The following UNC13D variants were observed in gnomAD, a reference collection of about 807,000 sequenced individuals.
The protein encoded by UNC13D is protein unc-13 homolog D.
UNC13D carries 115 observed loss-of-function variants against 151.7 expected under a neutral mutation model. The observed-to-expected ratio is 0.76, with a 90% CI of 0.65 to 0.88. The LOEUF (loss-of-function observed/expected upper bound fraction) is 0.88, where lower values mean the gene tolerates loss of function less well. Among genes scored for constraint, UNC13D ranks in the 40% least tolerant of loss-of-function variants. UNC13D has a pLI of 0.00. For missense variants in UNC13D, 1,369 were observed against 1,438.7 expected (o/e 0.95, Z 0.78); for synonymous variants, 588 against 612.2 (o/e 0.96, Z 0.58).
In UNC13D at chr17:75,834,665, G is replaced by T. The variant is rs755931780; in HGVS notation, c.2044C>A (p.Arg682Ser). Residue 682 changes from arginine (R) to serine (S), a missense_variant, in exon 22 of 32, where the codon CGC becomes AGC. Physicochemically the swap from Arg to Ser is moderately radical, Grantham distance 110. This residue lies in a region of UNC13D where 807 missense variants were observed against 795.5 expected (regional missense o/e 1.01). Transcript: ENST00000207549. Reference protein sequence around the residue: ...VYCSLIKARARELSSGQKDQG... With the variant: ...VYCSLIKARASELSSGQKDQG... The stretch of plus-strand genomic sequence containing the variant: ...TCCTTCTGGCCTGAAGAGAGCTCGC[G>T]GGCCCGGGCCTTTATAAGGCTGCAG... 1 of 1,613,746 alleles carries T rather than the reference G, an allele frequency of 6.2e-7. No homozygotes were observed. Among genetic ancestry groups the T allele is most frequent in the Admixed American group, 1.7e-5 (1 of 60,022 alleles).
At chr17:75,829,528 C>CAG (rs1567816341) in intron 30 of UNC13D, 1 of 181,040 alleles carries the variant, frequency 5.5e-6, no homozygotes, top group Non-Finnish European at 1.2e-5. Context: ...CTCCTGACCT[C>CAG]GTGATCCGCC....
chr17:75,827,374 C>T lies in UNC13D; in HGVS notation c.*591G>A. Reference sequence around the variant, plus strand: ...CGTCTGTCTGTGCCAGCCCTGCCGCCTGCCAGCTCTTGCTCCCTCAGAGCC... The same window carrying T: ...CGTCTGTCTGTGCCAGCCCTGCCGCTTGCCAGCTCTTGCTCCCTCAGAGCC... On this transcript the variant is annotated 3_prime_UTR_variant, in exon 32 of 32. Transcript: ENST00000207549. 7.6e-7 allele frequency: 1 copy of T among 1,317,192 alleles called. No homozygotes were observed. The highest frequency in any genetic ancestry group is 9.9e-7 in the Non-Finnish European group (1 of 1,010,550). 81.6% of individuals were successfully genotyped at this position (1,317,192 alleles called of 1,614,324 possible).
intron 27 of UNC13D, 96 bp from the exon 28 acceptor site, chr17:75,830,757 C>T (rs1567816970): frequency 1.3e-5 from 19 of 1,416,544 alleles, no homozygotes; most frequent in East Asian, 5.0e-5. Context: ...GTAACATGTC[C>T]GTTTGAAATG....
rs1452101064 is a variant in UNC13D at position 75,833,436 on chromosome 17, C to T, written c.2368-391G>A. On this transcript the variant is annotated intron_variant, in intron 24 of 31. Coordinates refer to ENST00000207549, the MANE Select transcript of UNC13D (RefSeq NM_199242.3). The surrounding 1 kb of genome is among the most constrained non-coding windows in gnomAD (Gnocchi z 4.0). ...ATACAACCCTCTGACACTTCTCAGC[C>T]GCTTCTCTGTTTTAAATTTTCTCTG... Among the ~76,000 whole-genome samples, 3 of 151,486 alleles carry T rather than the reference C, an allele frequency of 2.0e-5. No homozygotes were observed. Among genetic ancestry groups the T allele is most frequent in the Non-Finnish European group, 4.4e-5 (3 of 68,034 alleles).
At chr17:75,838,856 T>C (rs540043172) in intron 12 of UNC13D, among the ~76,000 whole-genome samples, 2 of 151,772 alleles carry the variant, frequency 1.3e-5, no homozygotes, top group East Asian at 3.9e-4. Flanking sequence ...ATCCCAGCAC[T>C]TTGGGAGGCC....
At chr17:75,842,267 CT>C (rs2064954503) in intron 6 of UNC13D, among the ~76,000 whole-genome samples, 165 bp downstream of exon 6, 1 of 152,210 alleles carries the variant, frequency 6.6e-6, no homozygotes, top group Admixed American at 6.5e-5. Context: ...CCCATCTGAC[CT>C]ACTGTCCACC....
At position 75,831,272 on chromosome 17, in the gene UNC13D, C is replaced by A. The variant is rs2143867469; in HGVS notation, c.2524G>T (p.Ala842Ser). ...AGGGCAATCTTCAGCCTGTTGGAAG[C>A]CAGGGATGAGCTGCGCTGGGAGGCG... ...AAASQRSSSLASNRLKIALQN... is the reference protein window; with the variant it reads ...AAASQRSSSLSSNRLKIALQN... Residue 842 changes from alanine to serine, a missense_variant, in exon 26 of 32, where the codon GCT (alanine) becomes TCT (serine). Physicochemically the swap from Ala to Ser is moderately conservative, Grantham distance 99. Coordinates refer to ENST00000207549, the MANE Select transcript of UNC13D (RefSeq NM_199242.3). The A allele has an allele frequency of 1.9e-6, 3 of 1,614,028 alleles. No homozygotes were observed. The highest frequency in any genetic ancestry group is 2.5e-6 in the Non-Finnish European group (3 of 1,180,040).
chr17:75,843,641 C>T (rs1325699893), intron 1 of UNC13D, 122 bp from the exon 2 acceptor site: 13 of 1,521,624 alleles, frequency 8.5e-6, no homozygotes, highest in South Asian at 1.2e-5. Context: ...CCCCGGCCTC[C>T]AGCCCCAGTG....
chr17:75,841,705 A>T (rs1356649364), intron 6 of UNC13D, among the ~76,000 whole-genome samples: 5 of 148,600 alleles, frequency 3.4e-5, no homozygotes, highest in Non-Finnish European at 7.4e-5. Context: ...GCCTCCCAAA[A>T]GTGCTGGGAT....
chr17:75,827,344 G>T lies in UNC13D; in HGVS notation c.*621C>A. 9.1e-7 allele frequency: 1 copy of T among 1,097,728 alleles called. No homozygotes were observed. Among genetic ancestry groups the T allele is most frequent in the Non-Finnish European group, 1.2e-6 (1 of 818,706 alleles). The allele number at this position is 1,097,728 out of a possible 1,614,324, so 68.0% of individuals were successfully genotyped here. A position where few individuals can be genotyped will look rare whatever the true frequency, so the allele number is the denominator to read the frequency against. ...ACACAGCAGCCAAACTGTCCTTTCT[G>T]CTTCCGTCTGTCTGTGCCAGCCCTG... On this transcript the variant is annotated 3_prime_UTR_variant, in exon 32 of 32. Coordinates refer to ENST00000207549, the MANE Select transcript of UNC13D (RefSeq NM_199242.3).
In UNC13D at chr17:75,828,885, G is replaced by A; in HGVS notation, c.3053C>T (p.Ala1018Val). The change falls in exon 31 of 32, where the codon GCC (alanine) becomes GTC (valine). Residue 1018 changes from alanine to valine, a missense_variant. Physicochemically the swap from Ala to Val is moderately conservative, Grantham distance 64. This residue lies in a region of UNC13D where 807 missense variants were observed against 795.5 expected (regional missense o/e 1.01). Coordinates refer to ENST00000207549, the MANE Select transcript of UNC13D (RefSeq NM_199242.3). ...GGGCACCTCACGCAGCGGCAGGAAG[G>A]CCTCGCCTTCCAGGTCGTCGGCCCC... is the stretch of plus-strand genomic sequence containing the variant. ...TLGADDLEGE[A>V]FLPLREVPGL... 1 of 1,604,756 alleles carries A rather than the reference G, an allele frequency of 6.2e-7. No homozygotes were observed. The highest frequency in any genetic ancestry group is 8.5e-7 in the Non-Finnish European group (1 of 1,178,596).
At chr17:75,843,604 C>G (rs1217404535) in intron 1 of UNC13D, 85 bp from the exon 2 acceptor site, 3 of 1,568,758 alleles carry the variant, frequency 1.9e-6, no homozygotes, top group Non-Finnish European at 2.6e-6. Flanking sequence ...AGGCCTGATC[C>G]AGGCCAAGGG....
Position 75,836,221 on chromosome 17 carries a change from C to T in UNC13D, c.1425G>A (p.Gln475=), listed in dbSNP as rs780636406. The T allele has an allele frequency of 8.7e-6, 14 of 1,610,010 alleles. No individual in the cohort carries two copies. The East Asian group carries it at 2.0e-4, about 23-fold the overall frequency. ...GTTEWFHLKQ[Q]HHQPMVQGIP... is the part of the protein sequence containing the mutation. ...TCACCTGCACCATGGGTTGATGGTG[C>T]TGCTGCTTCAGGTGGAACCATTCAG... The change falls in exon 16 of 32, where the codon CAG becomes CAA. Residue 475 remains glutamine, a synonymous_variant. Coordinates refer to ENST00000207549, the MANE Select transcript of UNC13D (RefSeq NM_199242.3).
At chr17:75,841,691 C>T (rs2064950492) in intron 6 of UNC13D, among the ~76,000 whole-genome samples, 1 of 149,824 alleles carries the variant, frequency 6.7e-6, no homozygotes, top group Non-Finnish European at 1.5e-5. Flanking sequence ...ATCCACCTGC[C>T]TCGGCCTCCC....
intron 25 of UNC13D, chr17:75,831,903 G>C (rs946528499): frequency 1.2e-5 from 2 of 167,710 alleles, no homozygotes; most frequent in Non-Finnish European, 2.6e-5. Flanking sequence ...GGAGGTTGCA[G>C]TGAGCCAAGA....
Position 75,828,829 on chromosome 17 carries a change from C to A in UNC13D, c.3109G>T (p.Val1037Leu), listed in dbSNP as rs749044099. ...GLSGSEEPGE[V>L]PQTRLPLTYP... ...GTGAGGGGCAGGCGGGTCTGAGGCA[C>A]CTCACCAGGCTCCTCAGAGCCACTC... is the stretch of plus-strand genomic sequence containing the variant. The change falls in exon 31 of 32, where the codon GTG becomes TTG. Residue 1037 changes from valine to leucine, a missense_variant. This residue lies in a region of UNC13D where 807 missense variants were observed against 795.5 expected (regional missense o/e 1.01). Transcript: ENST00000207549. 6.4e-7 allele frequency: 1 copy of A among 1,568,682 alleles called. No homozygotes were observed. Among genetic ancestry groups the A allele is most frequent in the Non-Finnish European group, 8.6e-7 (1 of 1,159,522 alleles).
chr17:75,835,039 T>TG lies in UNC13D; in HGVS notation c.1872dup (p.Lys625GlnfsTer80), dbSNP rs1206979898. The TG allele has an allele frequency of 6.2e-7, 1 of 1,613,962 alleles. No homozygotes were observed. ...AGATCCACCGCTGATGTGCTGTGCT[T>TG]GGTCAGTTCACCCAGGGGCACCAGC... On this transcript the variant is annotated frameshift_variant, in exon 21 of 32. Transcript: ENST00000207549. LOFTEE classifies it high-confidence loss of function.
chr17:75,841,096 G>A, intron 6 of UNC13D, 95 bp from the exon 7 acceptor site: 1 of 1,303,960 alleles, frequency 7.7e-7, no homozygotes, highest in Non-Finnish European at 1.1e-6. Context: ...TGGAGTTGTA[G>A]CCTATCCCTG....
chr17:75,839,189 G>A (rs1308690534), intron 12 of UNC13D, among the ~76,000 whole-genome samples: 3 of 151,928 alleles, frequency 2.0e-5, no homozygotes, highest in Admixed American at 2.0e-4. Flanking sequence ...GATCACCTGA[G>A]GTCGGGAGTT....
Sources: allele counts gnomAD v4.1 joint callset (sites outside exome capture counted in the v4.1 genomes callset), GRCh38; gene constraint gnomAD v4.1.1; regional missense constraint gnomAD v4.1.1; non-coding constraint Gnocchi (gnomAD v3.1); transcripts MANE v1.5; gene names NCBI Gene and HGNC (gene_info 2026-07-23, HGNC 2026-07-21).